Variants in PCDH11X observed in about 807,000 individuals in gnomAD.
PCDH11X encodes protocadherin-11 X-linked.
Under a neutral mutation model 53.3 loss-of-function variants are expected in PCDH11X, and 18 were observed. The ratio of observed to expected loss-of-function variants is 0.34; its 90% CI spans 0.23 to 0.50. The LOEUF is 0.50. PCDH11X is among the 20% of genes least tolerant of loss of function. The pLI is 0.98. For missense variants in PCDH11X, 570 were observed against 1,032.4 expected (o/e 0.55, Z 6.14); for synonymous variants, 279 against 393.3 (o/e 0.71, Z 3.44).
At chrX:92,169,753 T>C (rs2065792178) in intron 6 of PCDH11X, among the ~76,000 whole-genome samples, 1 of 110,324 alleles carries the variant, frequency 9.1e-6, no homozygotes, top group South Asian at 3.9e-4. Context: ...AGTAATGACA[T>C]CAAATTACTA....
intron 9 of PCDH11X, among the ~76,000 whole-genome samples, chrX:92,411,970 G>GAA: frequency 2.8e-5 from 1 of 35,205 alleles, no homozygotes; most frequent in African/African-American, 1.1e-4. Flanking sequence ...GGAGGAGGAG[G>GAA]GAAGAAGAAG....
chrX:91,802,234 G>A (rs1318618647), intron 1 of PCDH11X, among the ~76,000 whole-genome samples: 1 of 112,816 alleles, frequency 8.9e-6, no homozygotes, highest in Non-Finnish European at 1.9e-5. Flanking sequence ...ACTAGAAAAG[G>A]ATTCTCTCTC....
intron 6 of PCDH11X, among the ~76,000 whole-genome samples, chrX:92,128,828 T>A (rs2064919599): frequency 9.0e-6 from 1 of 110,914 alleles, no homozygotes; most frequent in Non-Finnish European, 1.9e-5. Flanking sequence ...ATTACAATAA[T>A]TTCCTATTAA....
At chrX:92,198,922 C>G (rs1472041425) in intron 6 of PCDH11X, among the ~76,000 whole-genome samples, 2 of 111,193 alleles carry the variant, frequency 1.8e-5, no homozygotes, top group Admixed American at 9.6e-5. Flanking sequence ...ATGATCTAGC[C>G]TCTTCCTACC....
chrX:92,227,167 T>G lies in PCDH11X; in HGVS notation c.3114+25712T>G, dbSNP rs893959568. ...GGAGTGCACTTATAGTGTCTGCATCTGAATTTCACTCCTTGCCTTTCCCTG... is the reference window on the plus strand; with the variant it reads ...GGAGTGCACTTATAGTGTCTGCATCGGAATTTCACTCCTTGCCTTTCCCTG... On this transcript the variant is annotated intron_variant, in intron 7 of 10. Coordinates refer to ENST00000682573, the MANE Select transcript of PCDH11X (RefSeq NM_032968.5). Among the ~76,000 whole-genome samples, 8 of 111,784 alleles carry G rather than the reference T, an allele frequency of 7.2e-5. No individual in the cohort carries two copies. The East Asian group carries it at 2.3e-3, about 32-fold the overall frequency.
At chrX:91,918,479 G>T (rs749629582) in intron 6 of PCDH11X, among the ~76,000 whole-genome samples, 1 of 109,893 alleles carries the variant, frequency 9.1e-6, no homozygotes, top group East Asian at 2.9e-4. Flanking sequence ...CCTCTAGGAA[G>T]AATATGTTTA....
intron 10 of PCDH11X, among the ~76,000 whole-genome samples, chrX:92,573,392 A>C (rs1602361156): frequency 9.0e-6 from 1 of 111,375 alleles, no homozygotes; most frequent in Non-Finnish European, 1.9e-5. Flanking sequence ...GCTATTATTC[A>C]GCATTATTCC....
chrX:92,108,011 T>C (rs1407850993), intron 6 of PCDH11X, among the ~76,000 whole-genome samples: 1 of 112,417 alleles, frequency 8.9e-6, no homozygotes, highest in East Asian at 2.8e-4. Context: ...AAAAATATAG[T>C]TCTGATATAA....
chrX:92,549,913 A>C (rs2751013), intron 10 of PCDH11X, among the ~76,000 whole-genome samples: 1 of 111,728 alleles, frequency 9.0e-6, no homozygotes, highest in African/African-American at 3.2e-5. Flanking sequence ...TAGCATATCA[A>C]TCACTTAAAG....
chrX:92,403,339 G>GTTTTTTT (rs1191277649), intron 9 of PCDH11X, among the ~76,000 whole-genome samples: 17 of 49,345 alleles, frequency 3.4e-4, no homozygotes, highest in Non-Finnish European at 4.1e-4. Context: ...GTTTTTTTTT[G>GTTTTTTT]TTTTTTTTTT....
chrX:92,368,441 C>T (rs1233315041), intron 8 of PCDH11X, among the ~76,000 whole-genome samples: 2 of 111,720 alleles, frequency 1.8e-5, no homozygotes, highest in Non-Finnish European at 3.8e-5. Flanking sequence ...GCTTAAAACA[C>T]ACTCCTTTAA....
chrX:92,228,619 G>T (rs2067012643), intron 7 of PCDH11X, among the ~76,000 whole-genome samples: 1 of 109,598 alleles, frequency 9.1e-6, no homozygotes, highest in Non-Finnish European at 1.9e-5. Flanking sequence ...TTTCTCATTG[G>T]TAAAATGTAG....
chrX:92,571,184 T>C (rs1043556172), intron 10 of PCDH11X, among the ~76,000 whole-genome samples: 1 of 111,132 alleles, frequency 9.0e-6, no homozygotes, highest in Non-Finnish European at 1.9e-5. Context: ...CTCTCATTTG[T>C]TTTGATGACT....
intron 6 of PCDH11X, among the ~76,000 whole-genome samples, chrX:92,077,984 T>A (rs2063801179): frequency 2.7e-5 from 3 of 110,554 alleles, no homozygotes; most frequent in African/African-American, 9.8e-5. Context: ...GGAAAATAAG[T>A]GCTTTATAAA....
At chrX:92,587,876 A>C (rs1158932694) in intron 10 of PCDH11X, among the ~76,000 whole-genome samples, 6 of 111,116 alleles carry the variant, frequency 5.4e-5, no homozygotes, top group Non-Finnish European at 9.4e-5. Flanking sequence ...ATCTCATTTC[A>C]AGTTTCCTTT....
chrX:92,124,976 C>T (rs2148185137), intron 6 of PCDH11X, among the ~76,000 whole-genome samples: 1 of 111,924 alleles, frequency 8.9e-6, no homozygotes, highest in South Asian at 3.7e-4. Flanking sequence ...ATAGTATGAA[C>T]TCAACATTTG....
At chrX:91,820,669 T>G (rs1343955998) in intron 4 of PCDH11X, among the ~76,000 whole-genome samples, 6 of 103,029 alleles carry the variant, frequency 5.8e-5, no homozygotes, top group Non-Finnish European at 1.1e-4. Context: ...AGAAGCACTT[T>G]AGTTTAATTA....
chrX:91,781,020 T>G (rs777184133), intron 1 of PCDH11X, among the ~76,000 whole-genome samples: 4 of 112,305 alleles, frequency 3.6e-5, no homozygotes, highest in South Asian at 3.7e-4. Context: ...AGGCTGCTCA[T>G]GTGAAGCGCT....
At position 92,131,317 on chromosome X, in the gene PCDH11X, T is replaced by A. The variant is rs375943561; in HGVS notation, c.3034-70058T>A. Among the ~76,000 whole-genome samples, 4 of 112,115 alleles carry A rather than the reference T, an allele frequency of 3.6e-5. No homozygotes were observed. In the South Asian group the frequency reaches 1.5e-3, roughly 42 times the overall value. ...GGTTTGAATTTTTATGGATTTGAAT[T>A]TTAAATCAAGAGATAGAAAAAGAAA... On this transcript the variant is annotated intron_variant, in intron 6 of 10. Coordinates refer to ENST00000682573, the MANE Select transcript of PCDH11X (RefSeq NM_032968.5).
Sources: gnomAD v4.1 joint callset for allele counts (sites outside exome capture counted in the v4.1 genomes callset) on GRCh38, gnomAD v4.1.1 for gene constraint, MANE v1.5 for transcripts, NCBI Gene and HGNC (gene_info 2026-07-23, HGNC 2026-07-21) for gene names.